The following PSMD14 variants were observed in gnomAD, a reference collection of about 807,000 sequenced individuals.
The protein encoded by PSMD14 is ubiquitin C-terminal hydrolase PSMD14.
A neutral mutation model predicts 41.2 loss-of-function variants in PSMD14; 7 were observed. The observed-to-expected ratio is 0.17, with a 90% confidence interval of 0.10 to 0.32. The LOEUF is 0.32. Among genes scored for constraint, PSMD14 ranks in the 10% least tolerant of loss-of-function variants. The pLI is 1.00. For missense variants in PSMD14, 139 were observed against 375.6 expected (o/e 0.37, Z 5.21); for synonymous variants, 114 against 122.3 (o/e 0.93, Z 0.45).
intron 7 of PSMD14, among the ~76,000 whole-genome samples, chr2:161,372,770 G>A (rs917625044): frequency 4.6e-5 from 7 of 151,588 alleles, no homozygotes; most frequent in African/African-American, 1.5e-4. Flanking sequence ...TTAGTAACTC[G>A]TAAGTAATTC....
At position 161,323,773 on chromosome 2, in the gene PSMD14, G is replaced by A. The variant is rs1000483426; in HGVS notation, c.48+4900G>A. On this transcript the variant is annotated intron_variant, in intron 3 of 11. Coordinates refer to ENST00000409682, the MANE Select transcript of PSMD14 (RefSeq NM_005805.6). The stretch of plus-strand genomic sequence containing the variant: ...AGTAGTTTGAAGCAGAAATAAAGAT[G>A]TTTTATTAGTACTATTAAAATTTAT... 4.6e-5 allele frequency among the ~76,000 whole-genome samples: 7 copies of A among 152,292 alleles called. No individual in the cohort carries two copies. The South Asian group carries it at 8.3e-4, about 18-fold the overall frequency.
In PSMD14 at chr2:161,371,154, A is replaced by G. The variant is rs1683428604; in HGVS notation, c.312-18A>G. 6.2e-7 allele frequency: 1 copy of G among 1,610,712 alleles called. No individual in the cohort carries two copies. The highest frequency in any genetic ancestry group is 1.3e-5 in the African/African-American group (1 of 74,788). On this transcript the variant is annotated intron_variant, in intron 6 of 11. Coordinates refer to ENST00000409682, the MANE Select transcript of PSMD14 (RefSeq NM_005805.6). ...TACTTGTTCTGTTCTGAGCATCTGA[A>G]TGCCCTCTTTGTTTCAGGCCGGAGA...
intron 3 of PSMD14, among the ~76,000 whole-genome samples, chr2:161,338,143 T>G (rs1166440414): frequency 6.6e-6 from 1 of 152,224 alleles, no homozygotes; most frequent in Non-Finnish European, 1.5e-5. Context: ...TGGTGAGTTG[T>G]AGAGCCCTTG....
intron 3 of PSMD14, among the ~76,000 whole-genome samples, chr2:161,336,319 A>T (rs750703530): frequency 6.6e-6 from 1 of 152,206 alleles, no homozygotes; most frequent in Non-Finnish European, 1.5e-5. Flanking sequence ...TCACCATATT[A>T]ATAAAACACT....
chr2:161,317,776 G>A (rs1428916548), intron 2 of PSMD14, among the ~76,000 whole-genome samples: 2 of 152,078 alleles, frequency 1.3e-5, no homozygotes, highest in African/African-American at 4.8e-5. Context: ...CATGGACGAA[G>A]GATGAAATGA....
At chr2:161,368,877 A>G (rs138755100) in intron 5 of PSMD14, among the ~76,000 whole-genome samples, 1 of 152,066 alleles carries the variant, frequency 6.6e-6, no homozygotes, top group Non-Finnish European at 1.5e-5. Flanking sequence ...AAAATAGAAT[A>G]TTTGCTACAG....
chr2:161,349,965 G>A (rs1683096446), intron 3 of PSMD14, among the ~76,000 whole-genome samples: 1 of 152,232 alleles, frequency 6.6e-6, no homozygotes, highest in African/African-American at 2.4e-5. Flanking sequence ...ATAACATTGA[G>A]ATGTAGATTT....
intron 9 of PSMD14, among the ~76,000 whole-genome samples, chr2:161,392,248 G>A (rs551202018): frequency 9.2e-5 from 14 of 152,246 alleles, no homozygotes; most frequent in African/African-American, 3.4e-4. Flanking sequence ...AAAGTTAAAA[G>A]CATTTTTTAA....
At chr2:161,316,027 A>G (rs1255307209) in intron 1 of PSMD14, among the ~76,000 whole-genome samples, 1 of 152,024 alleles carries the variant, frequency 6.6e-6, no homozygotes, top group African/African-American at 2.4e-5. Flanking sequence ...TATTTTTAGT[A>G]GACACAGTGT....
intron 3 of PSMD14, among the ~76,000 whole-genome samples, chr2:161,345,672 G>A (rs1377949992): frequency 6.6e-6 from 1 of 151,960 alleles, no homozygotes; most frequent in Non-Finnish European, 1.5e-5. Context: ...TTGGTTTATT[G>A]AACTTCATGT....
At chr2:161,358,438 G>T (rs899818096) in intron 3 of PSMD14, among the ~76,000 whole-genome samples, 6 of 152,088 alleles carry the variant, frequency 3.9e-5, no homozygotes, top group Non-Finnish European at 7.4e-5. Context: ...GAGACATAAG[G>T]GTAGGGGTAA....
At chr2:161,380,381 AC>A (rs1683557265) in intron 7 of PSMD14, among the ~76,000 whole-genome samples, 1 of 152,004 alleles carries the variant, frequency 6.6e-6, no homozygotes. Flanking sequence ...ATGTCTAATT[AC>A]CTTTTACCAT....
At chr2:161,406,589 A>G (rs1388937525) in intron 10 of PSMD14, among the ~76,000 whole-genome samples, 1 of 152,204 alleles carries the variant, frequency 6.6e-6, no homozygotes, top group Non-Finnish European at 1.5e-5. Flanking sequence ...TAGATGAGAT[A>G]CAGGTAACTT....
intron 3 of PSMD14, among the ~76,000 whole-genome samples, chr2:161,328,029 G>A (rs1574116907): frequency 6.9e-6 from 1 of 144,358 alleles, no homozygotes; most frequent in South Asian, 2.3e-4. Flanking sequence ...ATCTTTACCC[G>A]GCAAATAACA....
chr2:161,331,645 T>C (rs1210409926), intron 3 of PSMD14, among the ~76,000 whole-genome samples: 3 of 152,256 alleles, frequency 2.0e-5, no homozygotes, highest in East Asian at 3.9e-4. Flanking sequence ...TGTAGTAATA[T>C]AGGGAGACAG....
At chr2:161,341,143 G>GGGCGCAGGGGCGGGAC (rs1682952429) in intron 3 of PSMD14, 7 of 1,171,076 alleles carry the variant, frequency 6.0e-6, no homozygotes, top group Non-Finnish European at 6.4e-6. Context: ...GCCGGCTCGG[G>GGGCGCAGGGGCGGGAC]GGCGCAGGGG....
chr2:161,406,896 A>G (rs1444708622), intron 10 of PSMD14, among the ~76,000 whole-genome samples: 3 of 152,192 alleles, frequency 2.0e-5, no homozygotes, highest in Admixed American at 1.3e-4. Flanking sequence ...TAACTTTTCA[A>G]ATAAGATCAG....
chr2:161,331,986 A>C (rs931301427), intron 3 of PSMD14, among the ~76,000 whole-genome samples: 11 of 152,220 alleles, frequency 7.2e-5, no homozygotes, highest in African/African-American at 2.7e-4. Context: ...CAGCCTATTT[A>C]TATCAACATT....
chr2:161,313,934 A>G (rs911023310), intron 1 of PSMD14, among the ~76,000 whole-genome samples: 1 of 152,208 alleles, frequency 6.6e-6, no homozygotes, highest in Non-Finnish European at 1.5e-5. Context: ...TGTACAGTTT[A>G]GTGGCATTAA....
Sources: gnomAD v4.1 joint callset for allele counts (sites outside exome capture counted in the v4.1 genomes callset) on GRCh38, gnomAD v4.1.1 for gene constraint, MANE v1.5 for transcripts, NCBI Gene and HGNC (gene_info 2026-07-23, HGNC 2026-07-21) for gene names.